Variants in TRAPPC9 observed in about 807,000 individuals in gnomAD.
The protein encoded by TRAPPC9 is IKK2 binding protein.
In TRAPPC9, 83 loss-of-function variants were observed where a neutral mutation model predicts 124.0. The observed-to-expected ratio is 0.67, with a 90% CI of 0.56 to 0.80. TRAPPC9 has a LOEUF of 0.80. Ranked by LOEUF, TRAPPC9 falls within the 30% of genes least tolerant of loss-of-function variation. The probability of loss-of-function intolerance (pLI) is 0.00; values close to 1 mark genes in which losing one functional copy is unlikely to be tolerated. For missense variants in TRAPPC9, 1,302 were observed against 1,508.3 expected, an observed-to-expected ratio of 0.86 and a Z score of 2.27; for synonymous variants, 638 against 617.5, an observed-to-expected ratio of 1.03 and a Z score of -0.49.
At chr8:139,770,014 C>T (rs1820850795) in intron 21 of TRAPPC9, among the ~76,000 whole-genome samples, 1 of 152,212 alleles carries the variant, frequency 6.6e-6, no homozygotes, top group Non-Finnish European at 1.5e-5. Context: ...TTGCCACCCG[C>T]CAGTGGTGGG....
chr8:139,769,364 C>A (rs1008455498), intron 21 of TRAPPC9, among the ~76,000 whole-genome samples: 1 of 152,230 alleles, frequency 6.6e-6, no homozygotes, highest in Non-Finnish European at 1.5e-5. Context: ...AGCAGCTGAT[C>A]TGACGGCAGA....
chr8:139,778,132 G>C (rs1017907358), intron 21 of TRAPPC9, among the ~76,000 whole-genome samples: 5 of 152,162 alleles, frequency 3.3e-5, no homozygotes, highest in Admixed American at 2.6e-4. Context: ...TGCTCACACA[G>C]AGCGAGGAAT....
intron 17 of TRAPPC9, among the ~76,000 whole-genome samples, chr8:140,089,603 A>G (rs1844430852): frequency 6.6e-6 from 1 of 152,150 alleles, no homozygotes; most frequent in Non-Finnish European, 1.5e-5. Flanking sequence ...GCAGAGGGCC[A>G]TGGAGCTGCC....
chr8:139,774,789 T>C (rs1384517813), intron 21 of TRAPPC9, among the ~76,000 whole-genome samples: 1 of 152,156 alleles, frequency 6.6e-6, no homozygotes, highest in Non-Finnish European at 1.5e-5. Flanking sequence ...GCAGAATCTC[T>C]CCAGTGGACA....
At chr8:140,127,442 C>G (rs1022264781) in intron 17 of TRAPPC9, among the ~76,000 whole-genome samples, 10 of 152,318 alleles carry the variant, frequency 6.6e-5, no homozygotes, top group Non-Finnish European at 1.2e-4. Context: ...TCATACAGCT[C>G]TCTTCAATCA....
At position 140,221,470 on chromosome 8, in the gene TRAPPC9, T is replaced by G. The variant is rs1563858024; in HGVS notation, c.2545A>C (p.Ser849Arg). ...CCATACCAACTCACCTTCACGTGGC[T>G]GTAGTCGCCTGCTTTGTTGCTCTCG... ...PPESNKAGDY[S>R]HVKTLEAVLN... Residue 849 changes from serine (S) to arginine (R), a missense_variant, in exon 17 of 23, where the codon AGC becomes CGC. This residue lies in a region of TRAPPC9 where 640 missense variants were observed against 679.3 expected (regional missense o/e 0.94). Coordinates refer to ENST00000438773, the MANE Select transcript of TRAPPC9 (RefSeq NM_001160372.4). 6.2e-7 allele frequency: 1 copy of G among 1,614,100 alleles called. No individual in the cohort carries two copies. The highest frequency in any genetic ancestry group is 8.5e-7 in the Non-Finnish European group (1 of 1,179,982).
At chr8:139,775,309 A>T (rs1821283294) in intron 21 of TRAPPC9, among the ~76,000 whole-genome samples, 1 of 152,148 alleles carries the variant, frequency 6.6e-6, no homozygotes, top group African/African-American at 2.4e-5. Context: ...ATAAAAGCAA[A>T]CTAGATGAGA....
intron 9 of TRAPPC9, among the ~76,000 whole-genome samples, chr8:140,317,835 C>T (rs1170572154): frequency 6.6e-6 from 1 of 151,974 alleles, no homozygotes; most frequent in Non-Finnish European, 1.5e-5. Context: ...TATTTTTTAT[C>T]CAAAATAGGC....
rs968181621 is a variant in TRAPPC9 at position 139,821,498 on chromosome 8, G to C, written c.3055+64381C>G. Among the ~76,000 whole-genome samples, 2 of 152,318 alleles carry C rather than the reference G, an allele frequency of 1.3e-5. 1 individual carries two copies. The highest frequency in any genetic ancestry group is 6.8e-3 in the Middle Eastern group (2 of 294). The stretch of plus-strand genomic sequence containing the variant: ...CTTCTGTAAAACAAACCCATTTCCT[G>C]TATGTTAATACATCTCCATATGCAT... On this transcript the variant is annotated intron_variant, in intron 21 of 22. Transcript: ENST00000438773.
chr8:139,983,748 A>G (rs1837062343), intron 19 of TRAPPC9, among the ~76,000 whole-genome samples: 1 of 152,092 alleles, frequency 6.6e-6, no homozygotes, highest in Non-Finnish European at 1.5e-5. Context: ...GTGGGAAATA[A>G]ACAGAATTTT....
intron 17 of TRAPPC9, among the ~76,000 whole-genome samples, chr8:140,188,416 C>T (rs1043305639): frequency 1.3e-5 from 2 of 152,226 alleles, no homozygotes; most frequent in African/African-American, 4.8e-5. Context: ...ACATCTCCCT[C>T]CTCTGAACTC....
chr8:140,433,287 G>A (rs556038999), intron 4 of TRAPPC9, among the ~76,000 whole-genome samples: 2 of 149,712 alleles, frequency 1.3e-5, no homozygotes, highest in South Asian at 4.2e-4. Context: ...GCAAGACTCT[G>A]TCTCAAAAAA....
intron 2 of TRAPPC9, among the ~76,000 whole-genome samples, chr8:140,446,592 C>T (rs987450578): frequency 2.6e-5 from 4 of 151,938 alleles, no homozygotes; most frequent in African/African-American, 7.3e-5. Context: ...TCGCTCTTGT[C>T]GCCCAGGCTA....
At chr8:140,220,667 T>G (rs1024760319) in intron 17 of TRAPPC9, among the ~76,000 whole-genome samples, 16 of 152,166 alleles carry the variant, frequency 1.1e-4, no homozygotes, top group Non-Finnish European at 2.1e-4. Flanking sequence ...TGACAGCAGC[T>G]CCAATGCCTC....
At chr8:139,881,693 C>G (rs369559440) in intron 21 of TRAPPC9, among the ~76,000 whole-genome samples, 41 of 101,362 alleles carry the variant, frequency 4.0e-4, no homozygotes, top group Admixed American at 1.1e-3. Flanking sequence ...CAGAAAAAAA[C>G]AGCTGGCCTA....
chr8:140,456,683 G>T, intron 1 of TRAPPC9: 1 of 578,672 alleles, frequency 1.7e-6, no homozygotes, highest in Non-Finnish European at 2.2e-6. Context: ...CCGGTGCTTT[G>T]TTTCAGGTTA....
intron 17 of TRAPPC9, among the ~76,000 whole-genome samples, chr8:140,089,416 C>CCAGATGCATTAAGTCTGCAGTCAAAT (rs1262041669): frequency 3.9e-5 from 6 of 152,212 alleles, no homozygotes; most frequent in African/African-American, 1.4e-4. Context: ...CCCCCTGTAA[C>CCAGATGCATTAAGTCTGCAGTCAAAT]CAGATGCATT....
In TRAPPC9 at chr8:140,272,279, ATGG is replaced by A. The variant is rs1440396230; in HGVS notation, c.2278+3376_2278+3378del. Among the ~76,000 whole-genome samples, 33 of 127,540 alleles carry A rather than the reference ATGG, an allele frequency of 2.6e-4. No homozygotes were observed. The East Asian group carries it at 4.5e-3, about 17-fold the overall frequency. 83.7% of individuals were successfully genotyped at this position (127,540 alleles called of 152,430 possible). A position where few individuals can be genotyped will look rare whatever the true frequency, so the allele number is the denominator to read the frequency against. ...TGGGGTGGTGTTTGTGGTGGTGACG[ATGG>A]TGGTGGCAGTTGTGACAGTGGTGGT... On this transcript the variant is annotated intron_variant, in intron 15 of 22. Transcript: ENST00000438773.
chr8:140,269,432 T>A (rs927621495), intron 15 of TRAPPC9, among the ~76,000 whole-genome samples: 11 of 151,832 alleles, frequency 7.2e-5, no homozygotes, highest in Non-Finnish European at 1.2e-4. Flanking sequence ...TCCCAGCTAC[T>A]CGGGAGGCTG....
Sources: gnomAD v4.1 joint callset for allele counts (sites outside exome capture counted in the v4.1 genomes callset) on GRCh38, gnomAD v4.1.1 for gene constraint, gnomAD v4.1.1 regional missense constraint, MANE v1.5 for transcripts, NCBI Gene and HGNC (gene_info 2026-07-23, HGNC 2026-07-21) for gene names.